PLEKHG5: variants seen among roughly 807,000 people sequenced by gnomAD.
PLEKHG5 encodes the protein pleckstrin homology and RhoGEF domain containing G5, also known as pleckstrin homology domain-containing family G member 5.
PLEKHG5 carries 52 observed loss-of-function variants against 103.8 expected under a neutral mutation model. The ratio of observed to expected loss-of-function variants is 0.50; its 90% CI spans 0.40 to 0.63. PLEKHG5 has a LOEUF of 0.63. PLEKHG5 is among the 30% of genes least tolerant of loss of function. The pLI is 0.00. For synonymous variants in PLEKHG5, 592 were observed against 575.5 expected (o/e 1.03, Z -0.41); for missense variants, 1,205 against 1,347.6 (o/e 0.89, Z 1.66).
intron 1 of PLEKHG5, among the ~76,000 whole-genome samples, chr1:6,503,767 G>A (rs978508947): frequency 2.6e-5 from 4 of 152,270 alleles, no homozygotes; most frequent in South Asian, 4.1e-4. Context: ...CCCTCTCTAC[G>A]TTAGCTCTGT....
Position 6,490,574 on chromosome 1 carries a change from G to C in PLEKHG5, c.-88+1063C>G. 1.0e-6 allele frequency: 1 copy of C among 985,414 alleles called. No individual in the cohort carries two copies. Among genetic ancestry groups the C allele is most frequent in the Non-Finnish European group, 1.2e-6 (1 of 829,926 alleles). The allele number at this position is 985,414 out of a possible 1,614,324, so 61.0% of individuals were successfully genotyped here. A position where few individuals can be genotyped will look rare whatever the true frequency, so the allele number is the denominator to read the frequency against. ...GCGGGACGGGCTCAGTCGACTCAGC[G>C]CAAACTGGGGCGCGGGACGTAGGGG... is the stretch of plus-strand genomic sequence containing the variant. On this transcript the variant is annotated intron_variant, in intron 1 of 20. Coordinates refer to ENST00000377728, the MANE Select transcript of PLEKHG5 (RefSeq NM_020631.6). This position sits in a 1 kb window ranked among gnomAD's most constrained non-coding sequence, Gnocchi z 8.0.
Position 6,467,487 on chromosome 1 carries a change from C to T in PLEKHG5, c.*76G>A. On this transcript the variant is annotated 3_prime_UTR_variant, in exon 21 of 21. Coordinates refer to ENST00000377728, the MANE Select transcript of PLEKHG5 (RefSeq NM_020631.6). ...TGCATACAGGAGGCAGTAGCTGAAG[C>T]AGGTGCCGGCACGCCCCAGGAGGCA... The T allele has an allele frequency of 4.4e-6, 6 of 1,377,152 alleles. No individual in the cohort carries two copies. The highest frequency in any genetic ancestry group is 6.2e-6 in the Non-Finnish European group (6 of 964,648). The allele number at this position is 1,377,152 out of a possible 1,614,324, so 85.3% of individuals were successfully genotyped here. A position where few individuals can be genotyped will look rare whatever the true frequency, so the allele number is the denominator to read the frequency against.
Position 6,490,541 on chromosome 1 carries a change from C to A in PLEKHG5, c.-88+1096G>T. The A allele has an allele frequency of 1.0e-6, 1 of 985,296 alleles. No homozygotes were observed. The highest frequency in any genetic ancestry group is 5.2e-4 in the Middle Eastern group (1 of 1,912). The allele number at this position is 985,296 out of a possible 1,614,324, so 61.0% of individuals were successfully genotyped here. ...CATGGGGCGCGCGGGGAGAGGGGGA[C>A]GGGAGCCGCGGGACGGGCTCAGTCG... is the stretch of plus-strand genomic sequence containing the variant. On this transcript the variant is annotated intron_variant, in intron 1 of 20. Coordinates refer to ENST00000377728, the MANE Select transcript of PLEKHG5 (RefSeq NM_020631.6). This position sits in a 1 kb window ranked among gnomAD's most constrained non-coding sequence, Gnocchi z 8.0.
chr1:6,469,756 G>A lies in PLEKHG5; in HGVS notation c.1801-80C>T, dbSNP rs574996540. 24 of 1,452,484 alleles carry A rather than the reference G, an allele frequency of 1.7e-5. No individual in the cohort carries two copies. In the East Asian group the frequency reaches 5.3e-4, roughly 32 times the overall value. The allele number at this position is 1,452,484 out of a possible 1,614,324, so 90.0% of individuals were successfully genotyped here. On this transcript the variant is annotated intron_variant, in intron 16 of 20. Coordinates refer to ENST00000377728, the MANE Select transcript of PLEKHG5 (RefSeq NM_020631.6). ...ACTGTGGCACCAGCCTCCCCTGGGA[G>A]CACTCGGTTTTTGTCAAACACTCCT...
rs1569831581 is a variant in PLEKHG5 at position 6,468,146 on chromosome 1, G to A, written c.2690C>T (p.Ala897Val). ...GAGCTCTGACAGGCTGCGGCTGGGG[G>A]CAGAGGGTGTCCCATGGGTGCCAGC... ...AGAGTHGTPSAPSRSLSELCL... is the reference protein window; with the variant it reads ...AGAGTHGTPSVPSRSLSELCL... The change falls in exon 20 of 21, where the codon GCC (alanine) becomes GTC (valine). Residue 897 changes from alanine to valine, a missense_variant. By Grantham distance (64) the Ala-to-Val change is moderately conservative. Transcript: ENST00000377728. 5 of 1,571,334 alleles carry A rather than the reference G, an allele frequency of 3.2e-6. No homozygotes were observed. The highest frequency in any genetic ancestry group is 4.3e-6 in the Non-Finnish European group (5 of 1,158,016).
intron 1 of PLEKHG5, among the ~76,000 whole-genome samples, chr1:6,482,273 C>G (rs1644923589): frequency 6.6e-6 from 1 of 152,198 alleles, no homozygotes; most frequent in African/African-American, 2.4e-5. Flanking sequence ...GTCACATTCG[C>G]AAGGACAGAA....
rs1404464428 is a variant in PLEKHG5, at chr1:6,487,872, G to A, written c.-88+3765C>T. 6.6e-6 allele frequency among the ~76,000 whole-genome samples: 1 copy of A among 152,232 alleles called. No homozygotes were observed. Among genetic ancestry groups the A allele is most frequent in the Non-Finnish European group, 1.5e-5 (1 of 68,048 alleles). On this transcript the variant is annotated intron_variant, in intron 1 of 20. Transcript: ENST00000377728. This position sits in a 1 kb window ranked among gnomAD's most constrained non-coding sequence, Gnocchi z 4.1. ...CCTCGGCACTTAGAACAGTCCTGGT[G>A]CACAGTAGGTGCGCTTGGTGGGGAT... is the stretch of plus-strand genomic sequence containing the variant.
intron 1 of PLEKHG5, among the ~76,000 whole-genome samples, chr1:6,478,958 T>G (rs939579060): frequency 1.3e-5 from 2 of 152,076 alleles, no homozygotes; most frequent in African/African-American, 4.8e-5. Flanking sequence ...TTTAAAATAT[T>G]TCAAACCTAC....
chr1:6,494,788 A>G (rs1327842206), upstream of PLEKHG5, among the ~76,000 whole-genome samples: 3 of 152,154 alleles, frequency 2.0e-5, no homozygotes, highest in African/African-American at 7.2e-5. Context: ...CTGCCCCTAC[A>G]GTGAGTCTGT....
Position 6,490,632 on chromosome 1 carries a change from G to C in PLEKHG5, c.-88+1005C>G. The C allele has an allele frequency of 6.1e-6, 6 of 984,428 alleles. No individual in the cohort carries two copies. The highest frequency in any genetic ancestry group is 7.2e-6 in the Non-Finnish European group (6 of 829,048). The allele number at this position is 984,428 out of a possible 1,614,324, so 61.0% of individuals were successfully genotyped here. A position where few individuals can be genotyped will look rare whatever the true frequency, so the allele number is the denominator to read the frequency against. ...GTAGCCGCGCGGGCGCTACCACCTG[G>C]ACCGGCCGGGATGTACCAACGGCGC... On this transcript the variant is annotated intron_variant, in intron 1 of 20. Coordinates refer to ENST00000377728, the MANE Select transcript of PLEKHG5 (RefSeq NM_020631.6). This position sits in a 1 kb window ranked among gnomAD's most constrained non-coding sequence, Gnocchi z 8.0.
chr1:6,471,878 A>G, intron 10 of PLEKHG5, 70 bp from the exon 11 acceptor site: 1 of 1,446,504 alleles, frequency 6.9e-7, no homozygotes, highest in Non-Finnish European at 9.5e-7. Context: ...ACCCAGCCTC[A>G]GGCTCCCCTG....
chr1:6,489,733 A>G (rs6663418), intron 1 of PLEKHG5, among the ~76,000 whole-genome samples: 39,938 of 152,110 alleles, frequency 0.26, 8,544 homozygotes, highest in African/African-American at 0.59. Flanking sequence ...ACGTTCCCCC[A>G]CCCTTCCCCT....
At chr1:6,471,447 C>T (rs753842767) in intron 12 of PLEKHG5, 41 bp downstream of exon 12, 2 of 1,593,552 alleles carry the variant, frequency 1.3e-6, no homozygotes, top group South Asian at 1.1e-5. Context: ...GCGCCCCAGC[C>T]CTGCCTCAGT....
At chr1:6,516,797 TG>T (rs1638629472) in intron 1 of PLEKHG5, among the ~76,000 whole-genome samples, 5 of 13,090 alleles carry the variant, frequency 3.8e-4, no homozygotes, top group Non-Finnish European at 1.7e-3. Flanking sequence ...TATATATATG[TG>T]TATATATATG....
chr1:6,517,897 ACC>A (rs927323258), intron 1 of PLEKHG5, among the ~76,000 whole-genome samples: 2 of 151,980 alleles, frequency 1.3e-5, no homozygotes, highest in East Asian at 1.9e-4. Flanking sequence ...GCTATTCCTG[ACC>A]CCCGACTCCC....
In PLEKHG5 at chr1:6,467,499, C is replaced by T. The variant is rs544841673; in HGVS notation, c.*64G>A. 1.6e-5 allele frequency: 25 copies of T among 1,536,662 alleles called. No individual in the cohort carries two copies. Among genetic ancestry groups the T allele is most frequent in the Admixed American group, 3.3e-5 (2 of 59,916 alleles). On this transcript the variant is annotated 3_prime_UTR_variant, in exon 21 of 21. Transcript: ENST00000377728. ...GCAGTAGCTGAAGCAGGTGCCGGCA[C>T]GCCCCAGGAGGCAGGCTGTCTGCTG... is the stretch of plus-strand genomic sequence containing the variant.
intron 5 of PLEKHG5, 174 bp downstream of exon 5, chr1:6,474,873 C>T (rs952296598): frequency 3.7e-5 from 27 of 723,268 alleles, no homozygotes; most frequent in Middle Eastern, 3.8e-4. Flanking sequence ...CAGACCCCAC[C>T]GCACTCCCTC....
chr1:6,475,525 G>A lies in PLEKHG5; in HGVS notation c.150-3C>T, dbSNP rs1644741280. 4 of 1,612,892 alleles carry A rather than the reference G, an allele frequency of 2.5e-6. No individual in the cohort carries two copies. The highest frequency in any genetic ancestry group is 3.4e-6 in the Non-Finnish European group (4 of 1,179,656). On this transcript the variant is annotated splice_polypyrimidine_tract_variant and splice_region_variant and intron_variant, in intron 3 of 20. Coordinates refer to ENST00000377728, the MANE Select transcript of PLEKHG5 (RefSeq NM_020631.6). ...TCAGGCCTGTGCTCTTCCGGTCCCT[G>A]CAGGGAAGCGAGGAGGGCAGAGGCT... is the stretch of plus-strand genomic sequence containing the variant.
Position 6,473,428 on chromosome 1 carries a change from C to T in PLEKHG5, c.618G>A (p.Met206Ile), listed in dbSNP as rs1644658818. The T allele has an allele frequency of 6.5e-7, 1 of 1,539,344 alleles. No individual in the cohort carries two copies. Among genetic ancestry groups the T allele is most frequent in the Non-Finnish European group, 8.8e-7 (1 of 1,141,792 alleles). ...TGCTCGCCTCCCCCAGGAACTCCGACATGTTCTTGCGGCGGCGGCCAGGGG... is the reference window on the plus strand; with the variant it reads ...TGCTCGCCTCCCCCAGGAACTCCGATATGTTCTTGCGGCGGCGGCCAGGGG... ...ILAPGRRRKN[M>I]SEFLGEASIP... The change falls in exon 8 of 21, where the codon ATG becomes ATA. Residue 206 changes from methionine (M) to isoleucine (I), a missense_variant. Transcript: ENST00000377728.
Sources: allele counts gnomAD v4.1 joint callset (sites outside exome capture counted in the v4.1 genomes callset), GRCh38; gene constraint gnomAD v4.1.1; non-coding constraint Gnocchi (gnomAD v3.1); transcripts MANE v1.5; gene names NCBI Gene and HGNC (gene_info 2026-07-23, HGNC 2026-07-21).